The following SVEP1 variants were observed in gnomAD, a reference collection of about 807,000 sequenced individuals.
The protein encoded by SVEP1 is sushi, von Willebrand factor type A, EGF and pentraxin domain containing 1, also known as sushi, von Willebrand factor type A, EGF and pentraxin domain-containing protein 1.
A neutral mutation model predicts 367.3 loss-of-function variants in SVEP1; 164 were observed. The ratio of observed to expected loss-of-function variants is 0.45; its 90% CI spans 0.39 to 0.51. SVEP1 has a LOEUF of 0.51. Among genes scored for constraint, SVEP1 ranks in the 20% least tolerant of loss-of-function variants. The pLI is 0.00. For synonymous variants in SVEP1, 1,666 were observed against 1,611.6 expected (o/e 1.03, Z -0.81); for missense variants, 4,117 against 4,425.3 (o/e 0.93, Z 1.98).
rs71371665 is a variant in SVEP1, at chr9:110,403,296, GTTTTTTTTTT to G, written c.9666+1021_9666+1030del. Among the ~76,000 whole-genome samples, 83 of 43,462 alleles carry G rather than the reference GTTTTTTTTTT, an allele frequency of 1.9e-3. 2 individuals carry two copies. The South Asian group carries it at 0.077, about 40-fold the overall frequency. 28.5% of individuals were successfully genotyped at this position (43,462 alleles called of 152,430 possible). On this transcript the variant is annotated intron_variant, in intron 39 of 47. Transcript: ENST00000374469. ...TGATGATTCCTTCCCCGCCACCGCCGTTTTTTTTTTTTTTTTTTTTTTTTTTTGACACGGA... is the reference window on the plus strand; with the variant it reads ...TGATGATTCCTTCCCCGCCACCGCCGTTTTTTTTTTTTTTTTTGACACGGA...
chr9:110,508,780 A>AAAG (rs1829666462), intron 5 of SVEP1, among the ~76,000 whole-genome samples: 2 of 143,526 alleles, frequency 1.4e-5, no homozygotes, highest in African/African-American at 2.6e-5. Flanking sequence ...AAAAAAAAAA[A>AAAG]AAAGAAAGAA....
At chr9:110,519,814 A>G (rs1177279494) in intron 3 of SVEP1, among the ~76,000 whole-genome samples, 1 of 152,148 alleles carries the variant, frequency 6.6e-6, no homozygotes, top group Admixed American at 6.6e-5. Context: ...AAGACAACTG[A>G]GTTGCAATCT....
At chr9:110,394,443 G>A (rs55896919) in intron 40 of SVEP1, among the ~76,000 whole-genome samples, 3,049 of 152,222 alleles carry the variant, frequency 0.02, 97 homozygotes, top group African/African-American at 0.069. Flanking sequence ...AAATCAGAGC[G>A]CCTCTCCTCC....
intron 40 of SVEP1, among the ~76,000 whole-genome samples, chr9:110,393,387 A>G (rs1010439658): frequency 6.6e-6 from 1 of 152,198 alleles, no homozygotes; most frequent in Non-Finnish European, 1.5e-5. Flanking sequence ...ATTTAACAGA[A>G]AAGTGGCGAT....
At chr9:110,570,021 T>G (rs1830536209) in intron 1 of SVEP1, among the ~76,000 whole-genome samples, 1 of 152,222 alleles carries the variant, frequency 6.6e-6, no homozygotes, top group African/African-American at 2.4e-5. Flanking sequence ...TATCTTTCAT[T>G]TCAAGTGAAG....
At chr9:110,377,012 C>T (rs903842120) in intron 45 of SVEP1, 1 of 337,998 alleles carries the variant, frequency 3.0e-6, no homozygotes, top group Admixed American at 4.1e-5. Context: ...AGCTCCTTCT[C>T]AAGAAGACTT....
At chr9:110,502,604 TCA>T in intron 6 of SVEP1, among the ~76,000 whole-genome samples, 1 of 152,342 alleles carries the variant, frequency 6.6e-6, no homozygotes, top group Middle Eastern at 3.4e-3. Context: ...AGTTGAATGT[TCA>T]GTTATTTTTA....
chr9:110,438,403 G>T (rs139623619), intron 27 of SVEP1, among the ~76,000 whole-genome samples: 2 of 151,690 alleles, frequency 1.3e-5, no homozygotes, highest in Non-Finnish European at 2.9e-5. Flanking sequence ...CCCTCACCAC[G>T]CATGTTGATC....
intron 46 of SVEP1, among the ~76,000 whole-genome samples, chr9:110,372,290 T>C (rs144962806): frequency 6.6e-6 from 1 of 152,340 alleles, no homozygotes; most frequent in African/African-American, 2.4e-5. Context: ...TTAGCCTCTA[T>C]CTTAACACGT....
At chr9:110,475,466 TAAG>T (rs1014766431) in intron 14 of SVEP1, among the ~76,000 whole-genome samples, 10 of 152,190 alleles carry the variant, frequency 6.6e-5, no homozygotes, top group African/African-American at 2.4e-4. Flanking sequence ...GATTTAGACT[TAAG>T]TAGTTGGTTG....
intron 1 of SVEP1, among the ~76,000 whole-genome samples, chr9:110,551,565 A>T (rs1185517883): frequency 6.6e-6 from 1 of 152,210 alleles, no homozygotes; most frequent in Admixed American, 6.5e-5. Context: ...CACACCAAAG[A>T]CAGGCACAGA....
intron 3 of SVEP1, among the ~76,000 whole-genome samples, chr9:110,525,850 CG>C (rs1463366600): frequency 1.3e-5 from 2 of 151,830 alleles, no homozygotes; most frequent in Non-Finnish European, 2.9e-5. Context: ...CATAGGTATA[CG>C]TGTACCATGG....
At chr9:110,440,295 C>A (rs949672592) in intron 27 of SVEP1, among the ~76,000 whole-genome samples, 1 of 152,148 alleles carries the variant, frequency 6.6e-6, no homozygotes, top group Non-Finnish European at 1.5e-5. Flanking sequence ...TGGGGATCAG[C>A]CAACCATTCT....
intron 36 of SVEP1, among the ~76,000 whole-genome samples, chr9:110,423,862 C>G (rs2118533919): frequency 6.6e-6 from 1 of 152,230 alleles, no homozygotes; most frequent in East Asian, 1.9e-4. Context: ...TTCAATAACC[C>G]TTTGGAAGGT....
chr9:110,450,179 C>T lies in SVEP1; in HGVS notation c.3983G>A (p.Gly1328Glu), dbSNP rs200519868. 1,178 of 1,613,754 alleles carry T rather than the reference C, an allele frequency of 7.3e-4. No individual in the cohort carries two copies. Among genetic ancestry groups the T allele is most frequent in the Non-Finnish European group, 9.3e-4 (1,096 of 1,179,814 alleles). The change falls in exon 24 of 48, where the codon GGA becomes GAA. Residue 1328 changes from glycine (G) to glutamate (E), a missense_variant. Around this residue, in one of 4 missense-constraint regions of SVEP1, gnomAD observed 2,174 missense variants for 2,494.3 expected, o/e 0.87. Transcript: ENST00000374469. ...NNAVCEDQVG[G>E]FLCKCPPGFL... ...TCCAGGTGGGCATTTGCACAAGAAT[C>T]CCCCAACCTGGTCTTCACAGACTGC...
intron 12 of SVEP1, 67 bp from the exon 13 acceptor site, chr9:110,479,823 T>A: frequency 1.9e-6 from 3 of 1,546,900 alleles, no homozygotes; most frequent in Non-Finnish European, 2.6e-6. Flanking sequence ...TGACTTTCTA[T>A]GAAATAATTG....
chr9:110,476,150 T>G, intron 14 of SVEP1, 54 bp downstream of exon 14: 1 of 1,120,772 alleles, frequency 8.9e-7, no homozygotes, highest in Non-Finnish European at 1.3e-6. Flanking sequence ...TCTGGAATTA[T>G]TCTTATTTTG....
intron 1 of SVEP1, among the ~76,000 whole-genome samples, chr9:110,571,383 G>A (rs1305327118): frequency 6.6e-6 from 1 of 152,152 alleles, no homozygotes; most frequent in East Asian, 1.9e-4. Context: ...TGTGTGGACT[G>A]CCACAGAGTC....
chr9:110,406,107 T>G, intron 38 of SVEP1, 53 bp downstream of exon 38: 1 of 1,503,116 alleles, frequency 6.7e-7, no homozygotes, highest in Non-Finnish European at 8.9e-7. Flanking sequence ...CGATCACATT[T>G]CATTTCATAA....
Sources: gnomAD v4.1 joint callset for allele counts (sites outside exome capture counted in the v4.1 genomes callset) on GRCh38, gnomAD v4.1.1 for gene constraint, gnomAD v4.1.1 regional missense constraint, MANE v1.5 for transcripts, NCBI Gene and HGNC (gene_info 2026-07-23, HGNC 2026-07-21) for gene names.